The following BAZ1A variants were observed in gnomAD, a reference collection of about 807,000 sequenced individuals.
BAZ1A encodes bromodomain adjacent to zinc finger domain 1A.
In BAZ1A, 50 loss-of-function variants were observed where a neutral mutation model predicts 185.2. The observed-to-expected ratio is 0.27, with a 90% CI of 0.22 to 0.34. BAZ1A has a LOEUF of 0.34. Ranked by LOEUF, BAZ1A falls within the 10% of genes least tolerant of loss-of-function variation. BAZ1A has a pLI of 1.00. For missense variants in BAZ1A, 1,356 were observed against 1,839.9 expected, an observed-to-expected ratio of 0.74 and a Z score of 4.81; for synonymous variants, 571 against 615.6, an observed-to-expected ratio of 0.93 and a Z score of 1.07.
rs1213160 is a variant in BAZ1A at position 34,828,352 on chromosome 14, A to G, written c.393-2196T>C. ...CCCATCTCTATTGTGCTAATTTTCA[A>G]TGCTAGAAAAGACAGCACCTGTTTT... On this transcript the variant is annotated intron_variant, in intron 3 of 26. Coordinates refer to ENST00000360310, the MANE Select transcript of BAZ1A (RefSeq NM_013448.3). 6.0e-3 allele frequency among the ~76,000 whole-genome samples: 907 copies of G among 151,582 alleles called. 8 individuals are homozygous for G. Among genetic ancestry groups the G allele is most frequent in the Middle Eastern group, 0.01 (3 of 288 alleles).
chr14:34,774,295 T>C, intron 19 of BAZ1A, 32 bp downstream of exon 19: 1 of 1,583,172 alleles, frequency 6.3e-7, no homozygotes, highest in Non-Finnish European at 8.6e-7. Context: ...CCAAGTAGAT[T>C]AGACAAACTA....
At chr14:34,862,412 T>TA in intron 2 of BAZ1A, 90 bp from the exon 3 acceptor site, 8 of 1,452,370 alleles carry the variant, frequency 5.5e-6, no homozygotes, top group Middle Eastern at 1.8e-4. Flanking sequence ...TCAGGTTATT[T>TA]TTGTGCCTTT....
chr14:34,846,457 C>T (rs1021880011), intron 3 of BAZ1A, among the ~76,000 whole-genome samples: 3 of 152,196 alleles, frequency 2.0e-5, no homozygotes, highest in Non-Finnish European at 2.9e-5. Context: ...GCCCTTAGAA[C>T]ACTGAAGAAA....
In BAZ1A at chr14:34,792,934, T is replaced by C. The variant is rs1031660750; in HGVS notation, c.1364-13A>G. The stretch of plus-strand genomic sequence containing the variant: ...TCCTCTAATACTTCTGTGAATAAAA[T>C]GTTTAAAATGAATTTAAAGTTCTGT... On this transcript the variant is annotated splice_polypyrimidine_tract_variant and intron_variant, in intron 11 of 26. Transcript: ENST00000360310. 4.4e-6 allele frequency: 7 copies of C among 1,593,610 alleles called. No homozygotes were observed. Among genetic ancestry groups the C allele is most frequent in the Middle Eastern group, 3.3e-4 (2 of 5,986 alleles).
intron 4 of BAZ1A, among the ~76,000 whole-genome samples, chr14:34,820,144 T>C (rs2042066559): frequency 6.8e-6 from 1 of 146,740 alleles, no homozygotes; most frequent in Non-Finnish European, 1.5e-5. Flanking sequence ...TTTTTTTTTT[T>C]TGAGACAGGG....
At position 34,771,003 on chromosome 14, in the gene BAZ1A, C is replaced by CT. The variant is rs560641344; in HGVS notation, c.3301+507dup. On this transcript the variant is annotated intron_variant, in intron 21 of 26. Coordinates refer to ENST00000360310, the MANE Select transcript of BAZ1A (RefSeq NM_013448.3). Reference sequence around the variant, plus strand: ...CTGACTAGTTATAGGTTTTGGTGATCTTTTTTTTCTTTTAAAGAGACAGGG... The same window carrying CT: ...CTGACTAGTTATAGGTTTTGGTGATCTTTTTTTTTCTTTTAAAGAGACAGGG... 5.3e-4 allele frequency among the ~76,000 whole-genome samples: 81 copies of CT among 151,732 alleles called. 1 individual carries two copies. The highest frequency in any genetic ancestry group is 1.8e-3 in the African/African-American group (76 of 41,398).
In BAZ1A at chr14:34,862,122, C is replaced by G. The variant is rs1296319971; in HGVS notation, c.314G>C (p.Cys105Ser). The G allele has an allele frequency of 3.1e-6, 5 of 1,614,094 alleles. No homozygotes were observed. In the East Asian group the frequency reaches 1.1e-4, roughly 36 times the overall value. ...CTTGACATATGCAAAGATATCATCA[C>G]AAATTTCATGTAAGCGCGAACGATG... ...LTHRSRLHEI[C>S]DDIFAYVKDR... The change falls in exon 3 of 27, where the codon TGT becomes TCT. Residue 105 changes from cysteine (C) to serine (S), a missense_variant. Physicochemically the swap from Cys to Ser is moderately radical, Grantham distance 112 (BLOSUM62 -1). Around this residue, in one of 7 missense-constraint regions of BAZ1A, gnomAD observed 332 missense variants for 395.3 expected, o/e 0.84. Transcript: ENST00000360310.
chr14:34,821,870 G>C (rs1007996310), intron 4 of BAZ1A, among the ~76,000 whole-genome samples: 9 of 152,010 alleles, frequency 5.9e-5, no homozygotes, highest in Admixed American at 4.6e-4. Context: ...TGTAATCCCA[G>C]CTACTCCGGA....
At chr14:34,756,432 C>T (rs112500177) in intron 25 of BAZ1A, among the ~76,000 whole-genome samples, 9,283 of 145,256 alleles carry the variant, frequency 0.064, 396 homozygotes, top group Non-Finnish European at 0.099. Flanking sequence ...GTTGAGATTA[C>T]AGGCGTGACA....
chr14:34,783,613 C>CA (rs1185136699), intron 15 of BAZ1A, 149 bp downstream of exon 15: 3 of 1,037,470 alleles, frequency 2.9e-6, no homozygotes, highest in African/African-American at 1.7e-5. Flanking sequence ...AGGCGTGAGC[C>CA]ACCACACCTG....
At chr14:34,864,164 GAC>G (rs1002309099) in intron 2 of BAZ1A, among the ~76,000 whole-genome samples, 1 of 151,912 alleles carries the variant, frequency 6.6e-6, no homozygotes, top group African/African-American at 2.4e-5. Context: ...ACTTTCCAGA[GAC>G]AGAATCTCAT....
chr14:34,794,716 T>C (rs1170949988), intron 11 of BAZ1A, 33 bp downstream of exon 11: 16 of 1,588,882 alleles, frequency 1.0e-5, no homozygotes, highest in Non-Finnish European at 1.3e-5. Context: ...TAGGATGAAC[T>C]ATAATGTAGC....
chr14:34,874,418 A>T lies in BAZ1A; in HGVS notation c.113+74T>A. 3 of 1,379,842 alleles carry T rather than the reference A, an allele frequency of 2.2e-6. No homozygotes were observed. Among genetic ancestry groups the T allele is most frequent in the Non-Finnish European group, 3.1e-6 (3 of 976,096 alleles). The allele number at this position is 1,379,842 out of a possible 1,614,324, so 85.5% of individuals were successfully genotyped here. A position where few individuals can be genotyped will look rare whatever the true frequency, so the allele number is the denominator to read the frequency against. ...CCGCCAGAAGCCCAGGGCGAGGAAAAGGAGAGAGACAAAAGAGCGCTGCGG... is the reference window on the plus strand; with the variant it reads ...CCGCCAGAAGCCCAGGGCGAGGAAATGGAGAGAGACAAAAGAGCGCTGCGG... On this transcript the variant is annotated intron_variant, in intron 2 of 26. Transcript: ENST00000360310. The surrounding 1 kb of genome is among the most constrained non-coding windows in gnomAD (Gnocchi z 4.7).
chr14:34,813,992 G>A (rs1218854838), intron 4 of BAZ1A, among the ~76,000 whole-genome samples: 1 of 150,696 alleles, frequency 6.6e-6, no homozygotes, highest in Non-Finnish European at 1.5e-5. Flanking sequence ...GCAGTGAGCC[G>A]AGGTCGCACC....
chr14:34,785,695 A>G, intron 14 of BAZ1A, 82 bp downstream of exon 14: 5 of 1,171,386 alleles, frequency 4.3e-6, no homozygotes, highest in Non-Finnish European at 6.1e-6. Flanking sequence ...TTATTGTAAA[A>G]TTTCTCATCA....
chr14:34,753,140 C>G lies in BAZ1A; in HGVS notation c.*368G>C. 5.1e-6 allele frequency: 1 copy of G among 194,618 alleles called. No individual in the cohort carries two copies. The highest frequency in any genetic ancestry group is 2.3e-5 in the African/African-American group (1 of 42,642). The allele number at this position is 194,618 out of a possible 1,614,324, so 12.1% of individuals were successfully genotyped here. A position where few individuals can be genotyped will look rare whatever the true frequency, so the allele number is the denominator to read the frequency against. On this transcript the variant is annotated 3_prime_UTR_variant, in exon 27 of 27. Transcript: ENST00000360310. ...AACTGTGCTATAGCGGAAGACTCAT[C>G]CATGTAGATAACTCTCCCTTAATAC...
At position 34,780,216 on chromosome 14, in the gene BAZ1A, C is replaced by T; in HGVS notation, c.2206G>A (p.Asp736Asn). The T allele has an allele frequency of 6.2e-7, 1 of 1,613,618 alleles. No homozygotes were observed. ...DQDMVTEDED[D>N]PGSHKRGRRG... ...CTGCCTCTTTTATGTGATCCTGGGT[C>T]ATCTTCATCTTCAGTGACCATATCT... Residue 736 changes from aspartate (D) to asparagine (N), a missense_variant, in exon 17 of 27, where the codon GAC becomes AAC. Transcript: ENST00000360310.
At position 34,816,921 on chromosome 14, in the gene BAZ1A, T is replaced by G. The variant is rs1314776205; in HGVS notation, c.537-5885A>C. 23 of 328,694 alleles carry G rather than the reference T, an allele frequency of 7.0e-5. No homozygotes were observed. In the Admixed American group the frequency reaches 8.5e-4, roughly 12 times the overall value. The allele number at this position is 328,694 out of a possible 1,614,324, so 20.4% of individuals were successfully genotyped here. On this transcript the variant is annotated intron_variant, in intron 4 of 26. Coordinates refer to ENST00000360310, the MANE Select transcript of BAZ1A (RefSeq NM_013448.3). Reference sequence around the variant, plus strand: ...AGTAAGGATATTTACATATAAATTTTCTTTAAAAATCTATTAGTAATTTTT... The same window carrying G: ...AGTAAGGATATTTACATATAAATTTGCTTTAAAAATCTATTAGTAATTTTT...
At chr14:34,820,750 T>A (rs1196610830) in intron 4 of BAZ1A, among the ~76,000 whole-genome samples, 1 of 111,496 alleles carries the variant, frequency 9.0e-6, no homozygotes, top group Non-Finnish European at 2.0e-5. Flanking sequence ...GTATAAAGTC[T>A]ATGTCTAGAT....
Sources: allele counts gnomAD v4.1 joint callset (sites outside exome capture counted in the v4.1 genomes callset), GRCh38; gene constraint gnomAD v4.1.1; regional missense constraint gnomAD v4.1.1; non-coding constraint Gnocchi (gnomAD v3.1); transcripts MANE v1.5; gene names NCBI Gene and HGNC (gene_info 2026-07-23, HGNC 2026-07-21).